PTK2: variants seen among roughly 807,000 people sequenced by gnomAD.
PTK2 encodes protein tyrosine kinase 2.
Under a neutral mutation model 150.1 loss-of-function variants are expected in PTK2, and 45 were observed. The ratio of observed to expected loss-of-function variants is 0.30; its 90% confidence interval spans 0.24 to 0.38. The LOEUF (loss-of-function observed/expected upper bound fraction) is 0.38. Ranked by LOEUF, PTK2 falls within the 10% of genes least tolerant of loss-of-function variation. PTK2 has a pLI of 1.00. For synonymous variants in PTK2, 432 were observed against 449.2 expected (o/e 0.96, Z 0.48); for missense variants, 919 against 1,307.3 (o/e 0.70, Z 4.58).
At chr8:140,899,263 G>A (rs758051489) in intron 2 of PTK2, among the ~76,000 whole-genome samples, 12 of 152,006 alleles carry the variant, frequency 7.9e-5, no homozygotes, top group Non-Finnish European at 1.6e-4. Flanking sequence ...GGAAATAAAA[G>A]GCAATTACCA....
At chr8:140,658,601 G>A in exon 32 of PTK2, 1 of 202,674 alleles carries the variant, frequency 4.9e-6, no homozygotes, top group Non-Finnish European at 1.0e-5. Flanking sequence ...CAGATACAAG[G>A]AAGGGTTAGT....
chr8:140,879,676 G>GAAAAAAAAAAAAAAAAAAAAAAACAAA (rs2100147792), intron 3 of PTK2, 39 bp from the exon 4 acceptor site: 2 of 34,584 alleles, frequency 5.8e-5, no homozygotes, highest in Non-Finnish European at 8.7e-5. Flanking sequence ...GTTATAAACT[G>GAAAAAAAAAAAAAAAAAAAAAAACAAA]AAAAAAAAAA....
intron 1 of PTK2, chr8:140,934,416 T>G (rs1397090230): frequency 6.6e-6 from 1 of 151,106 alleles, no homozygotes; most frequent in Non-Finnish European, 1.5e-5. Context: ...TAAGGAGACT[T>G]TGTCTCTAAA....
chr8:140,892,172 C>T (rs979552327), intron 2 of PTK2, among the ~76,000 whole-genome samples: 2 of 152,096 alleles, frequency 1.3e-5, no homozygotes, highest in Non-Finnish European at 2.9e-5. Flanking sequence ...TGCATTGCTG[C>T]ACTTCAGCCT....
At chr8:140,935,523 CG>C (rs2100173295) in intron 1 of PTK2, among the ~76,000 whole-genome samples, 1 of 152,046 alleles carries the variant, frequency 6.6e-6, no homozygotes, top group Non-Finnish European at 1.5e-5. Flanking sequence ...TGAATATAAA[CG>C]GGGTTATCCT....
Position 140,916,322 on chromosome 8 carries a change from A to AC in PTK2, c.-33+9338dup, listed in dbSNP as rs370359389. ...AACCCATGCCTGTGTCTCTGGTTAA[A>AC]CCACCACCTCGTAGGCACGAAGAAC... On this transcript the variant is annotated intron_variant, in intron 2 of 31. Coordinates refer to ENST00000522684, the Ensembl canonical transcript of PTK2. Among the ~76,000 whole-genome samples the AC allele has an allele frequency of 4.3e-3, 659 of 152,354 alleles. 4 individuals carry two copies. Among genetic ancestry groups the AC allele is most frequent in the African/African-American group, 0.015 (628 of 41,584 alleles).
intron 16 of PTK2, among the ~76,000 whole-genome samples, chr8:140,759,023 T>C (rs2100067590): frequency 6.6e-6 from 1 of 152,214 alleles, no homozygotes; most frequent in African/African-American, 2.4e-5. Context: ...ACAGGCTATA[T>C]TATATAGCCT....
intron 14 of PTK2, among the ~76,000 whole-genome samples, chr8:140,788,354 G>A (rs2100086227): frequency 6.6e-6 from 1 of 152,052 alleles, no homozygotes; most frequent in African/African-American, 2.4e-5. Context: ...CTTGAGTAAG[G>A]GCTTATGGGA....
intron 10 of PTK2, among the ~76,000 whole-genome samples, chr8:140,816,753 G>A (rs1490595792): frequency 6.6e-6 from 1 of 152,118 alleles, no homozygotes; most frequent in African/African-American, 2.4e-5. Flanking sequence ...AAAGTTACAA[G>A]AATAACTTTG....
At chr8:140,667,417 G>A (rs2152944168) in intron 30 of PTK2, among the ~76,000 whole-genome samples, 1 of 151,902 alleles carries the variant, frequency 6.6e-6, no homozygotes, top group Admixed American at 6.6e-5. Flanking sequence ...AGGAGCCATT[G>A]CTGACTTTCC....
intron 1 of PTK2, among the ~76,000 whole-genome samples, chr8:140,997,897 C>A (rs1476713237): frequency 2.6e-5 from 4 of 152,310 alleles, no homozygotes; most frequent in Admixed American, 1.3e-4. Flanking sequence ...TATGATTGCA[C>A]CACTGCACTC....
chr8:140,898,402 C>A (rs1211793085), intron 2 of PTK2, among the ~76,000 whole-genome samples: 2 of 152,154 alleles, frequency 1.3e-5, no homozygotes, highest in East Asian at 3.9e-4. Context: ...GGCAAGAGAG[C>A]AAATGTGGAC....
intron 5 of PTK2, among the ~76,000 whole-genome samples, chr8:140,855,264 A>T (rs1332605472): frequency 6.6e-6 from 1 of 152,072 alleles, no homozygotes; most frequent in Non-Finnish European, 1.5e-5. Flanking sequence ...CTGAAGACTC[A>T]CAACAATCCC....
At chr8:140,743,136 G>T in intron 20 of PTK2, 94 bp downstream of exon 23, 1 of 814,488 alleles carries the variant, frequency 1.2e-6, no homozygotes, top group Non-Finnish European at 1.9e-6. Context: ...TTATATCTCT[G>T]TCAAAGATCA....
intron 26 of PTK2, among the ~76,000 whole-genome samples, chr8:140,697,188 C>T (rs1254726687): frequency 4.1e-5 from 6 of 147,352 alleles, no homozygotes; most frequent in African/African-American, 1.5e-4. Flanking sequence ...TGGGAAAGTG[C>T]CTCGATGCCA....
chr8:140,767,830 G>C (rs2100073226), intron 14 of PTK2, among the ~76,000 whole-genome samples: 1 of 151,964 alleles, frequency 6.6e-6, no homozygotes. Flanking sequence ...CTGGTTTTTA[G>C]GATTGTTAAG....
At chr8:140,924,215 A>T (rs1414974129) in intron 2 of PTK2, among the ~76,000 whole-genome samples, 1 of 151,972 alleles carries the variant, frequency 6.6e-6, no homozygotes, top group Non-Finnish European at 1.5e-5. Context: ...CGTTATCCAC[A>T]TGGCTTGCTC....
intron 26 of PTK2, among the ~76,000 whole-genome samples, chr8:140,699,185 A>G (rs1180454547): frequency 2.6e-5 from 4 of 152,132 alleles, no homozygotes; most frequent in Admixed American, 1.3e-4. Context: ...AATTTAACAC[A>G]AAGTTAGTGT....
chr8:140,892,650 G>T, intron 2 of PTK2: 1 of 426,504 alleles, frequency 2.3e-6, no homozygotes. Flanking sequence ...AAAAAAAATG[G>T]TATAACAGCA....
Sources: gnomAD v4.1 joint callset for allele counts (sites outside exome capture counted in the v4.1 genomes callset) on GRCh38, gnomAD v4.1.1 for gene constraint, MANE v1.5 for transcripts, NCBI Gene and HGNC (gene_info 2026-07-23, HGNC 2026-07-21) for gene names.